The following FAM178B variants were observed in gnomAD, a reference collection of about 807,000 sequenced individuals.
FAM178B encodes protein FAM178B.
In FAM178B, 82 loss-of-function variants were observed where a neutral mutation model predicts 91.7. The observed-to-expected ratio is 0.89, with a 90% CI of 0.75 to 1.07. The LOEUF (loss-of-function observed/expected upper bound fraction) is 1.07, where lower values mean the gene tolerates loss of function less well. Among genes scored for constraint, FAM178B ranks in the 50% least tolerant of loss-of-function variants. The probability of loss-of-function intolerance (pLI) is 0.00; values close to 1 mark genes in which losing one functional copy is unlikely to be tolerated. For missense variants in FAM178B, 769 were observed against 846.7 expected (o/e 0.91, Z 1.14); for synonymous variants, 368 against 359.4 (o/e 1.02, Z -0.27).
At chr2:96,887,478 C>T (rs1368595578) in intron 14 of FAM178B, among the ~76,000 whole-genome samples, 1 of 152,136 alleles carries the variant, frequency 6.6e-6, no homozygotes, top group Non-Finnish European at 1.5e-5. Context: ...AAACAAGCCA[C>T]GGGTTGAGCC....
intron 7 of FAM178B, among the ~76,000 whole-genome samples, chr2:96,950,884 C>T (rs1302772415): frequency 2.0e-5 from 3 of 152,292 alleles, no homozygotes; most frequent in Non-Finnish European, 2.9e-5. Context: ...TCCAAATTCA[C>T]GAGGGATCCA....
chr2:96,957,963 T>G (rs2082023463), intron 6 of FAM178B, among the ~76,000 whole-genome samples: 1 of 152,184 alleles, frequency 6.6e-6, no homozygotes, highest in Admixed American at 6.5e-5. Context: ...GAGAAAATGG[T>G]TAAATATGTT....
At chr2:96,906,328 A>T (rs1202285398) in intron 12 of FAM178B, among the ~76,000 whole-genome samples, 1 of 151,406 alleles carries the variant, frequency 6.6e-6, no homozygotes, top group Non-Finnish European at 1.5e-5. Context: ...CAGCCTCCCA[A>T]GTAGCTGGGA....
intron 7 of FAM178B, chr2:96,950,111 C>G (rs980042883): frequency 4.1e-6 from 4 of 985,344 alleles, no homozygotes; most frequent in Admixed American, 6.1e-5. Flanking sequence ...TGGAAGAAAC[C>G]GACACGCCCC....
chr2:96,884,921 T>C (rs1214657074), intron 14 of FAM178B, among the ~76,000 whole-genome samples: 1 of 152,198 alleles, frequency 6.6e-6, no homozygotes, highest in Non-Finnish European at 1.5e-5. Context: ...TGAAGACATA[T>C]AACCGACCAC....
intron 1 of FAM178B, among the ~76,000 whole-genome samples, chr2:96,983,976 T>C (rs954360229): frequency 1.3e-5 from 2 of 152,210 alleles, no homozygotes; most frequent in Non-Finnish European, 2.9e-5. Context: ...AAATCTGCTA[T>C]GAATTTTTTT....
At chr2:96,889,215 C>T (rs1322307937) in intron 14 of FAM178B, among the ~76,000 whole-genome samples, 2 of 152,152 alleles carry the variant, frequency 1.3e-5, no homozygotes, top group African/African-American at 4.8e-5. Context: ...TGGGACCATC[C>T]CCCTTTGTGG....
At chr2:96,981,821 C>A (rs1448512515) in intron 1 of FAM178B, among the ~76,000 whole-genome samples, 1 of 151,362 alleles carries the variant, frequency 6.6e-6, no homozygotes, top group East Asian at 1.9e-4. Context: ...AATCCCAGCA[C>A]TTTGGGAGGC....
chr2:96,884,314 G>A (rs2080463854), intron 14 of FAM178B, among the ~76,000 whole-genome samples: 1 of 152,214 alleles, frequency 6.6e-6, no homozygotes, highest in Non-Finnish European at 1.5e-5. Context: ...CCGGGTGTGC[G>A]TGGATGGTGG....
At chr2:96,950,943 C>A (rs1037843057) in intron 7 of FAM178B, among the ~76,000 whole-genome samples, 4 of 152,284 alleles carry the variant, frequency 2.6e-5, no homozygotes, top group African/African-American at 9.6e-5. Context: ...CCTCCCGCTG[C>A]GTATGGGATG....
intron 14 of FAM178B, among the ~76,000 whole-genome samples, chr2:96,890,493 C>T (rs2080646969): frequency 6.6e-6 from 1 of 152,086 alleles, no homozygotes; most frequent in Admixed American, 6.6e-5. Context: ...AGGCCATGAC[C>T]TCCATGACCC....
chr2:96,901,617 A>C (rs1014888968), intron 13 of FAM178B, among the ~76,000 whole-genome samples: 5 of 152,192 alleles, frequency 3.3e-5, no homozygotes, highest in Non-Finnish European at 5.9e-5. Context: ...TTTACTATAA[A>C]AAATAAACAA....
chr2:96,983,364 G>A (rs1421707444), intron 1 of FAM178B, among the ~76,000 whole-genome samples: 2 of 152,046 alleles, frequency 1.3e-5, no homozygotes, highest in Non-Finnish European at 2.9e-5. Context: ...TAACCCCAAA[G>A]GTTATACTAC....
At chr2:96,956,592 T>C (rs2082003229) in intron 6 of FAM178B, 1 of 152,252 alleles carries the variant, frequency 6.6e-6, no homozygotes, top group African/African-American at 2.4e-5. Flanking sequence ...GAGTTGATTT[T>C]TTAAAAAATG....
intron 13 of FAM178B, among the ~76,000 whole-genome samples, chr2:96,898,731 G>A (rs987194291): frequency 6.6e-6 from 1 of 152,216 alleles, no homozygotes; most frequent in Non-Finnish European, 1.5e-5. Flanking sequence ...ATGGATGACA[G>A]TAAGTCTGAG....
chr2:96,879,981 T>C (rs565886761), intron 14 of FAM178B, among the ~76,000 whole-genome samples: 45 of 152,360 alleles, frequency 3.0e-4, no homozygotes, highest in Non-Finnish European at 1.3e-4. Flanking sequence ...TGCCCCCTTG[T>C]CATAAAGCAA....
chr2:96,911,440 C>G (rs753412282), intron 12 of FAM178B, among the ~76,000 whole-genome samples: 1 of 152,150 alleles, frequency 6.6e-6, no homozygotes, highest in South Asian at 2.1e-4. Context: ...TTCTAGGACG[C>G]GGCAAAAGCG....
At chr2:96,955,565 A>C (rs1481726663) in intron 6 of FAM178B, among the ~76,000 whole-genome samples, 4 of 152,170 alleles carry the variant, frequency 2.6e-5, no homozygotes, top group South Asian at 2.1e-4. Flanking sequence ...CTGTAATCCC[A>C]GCTACTCAGG....
At chr2:96,960,621 G>C (rs1037727071) in intron 5 of FAM178B, among the ~76,000 whole-genome samples, 181 bp from the exon 6 acceptor site, 31 of 152,190 alleles carry the variant, frequency 2.0e-4, no homozygotes, top group African/African-American at 7.5e-4. Flanking sequence ...GCACGCAGGA[G>C]CCCTTCAGTC....
Sources: allele counts gnomAD v4.1 joint callset (sites outside exome capture counted in the v4.1 genomes callset), GRCh38; gene constraint gnomAD v4.1.1; transcripts MANE v1.5; gene names NCBI Gene and HGNC (gene_info 2026-07-23, HGNC 2026-07-21).